Variants in UNKL observed in about 807,000 individuals in gnomAD.
UNKL encodes the protein putative E3 ubiquitin-protein ligase UNKL.
UNKL carries 60 observed loss-of-function variants against 78.0 expected under a neutral mutation model. The ratio of observed to expected loss-of-function variants is 0.77; its 90% CI spans 0.63 to 0.95. UNKL has a LOEUF of 0.95. Among genes scored for constraint, UNKL ranks in the 40% least tolerant of loss-of-function variants. The pLI is 0.00. For missense variants in UNKL, 1,159 were observed against 1,045.7 expected, an observed-to-expected ratio of 1.11 and a Z score of -1.49; for synonymous variants, 608 against 474.8, an observed-to-expected ratio of 1.28 and a Z score of -3.65.
In UNKL at chr16:1,380,577, C is replaced by T. The variant is rs563882021; in HGVS notation, c.1264+4631G>A. 1.0e-3 allele frequency among the ~76,000 whole-genome samples: 154 copies of T among 148,234 alleles called. 8 individuals are homozygous for T. In the South Asian group the frequency reaches 0.032, roughly 31 times the overall value. ...GTGGCAAAGCTCACAATTTCAGCCG[C>T]AGCAGCAGCAACAATACATTGCCTC... On this transcript the variant is annotated intron_variant, in intron 10 of 14. Coordinates refer to ENST00000389221, the MANE Select transcript of UNKL (RefSeq NM_001372107.1).
intron 10 of UNKL, among the ~76,000 whole-genome samples, chr16:1,375,329 G>A (rs917536038): frequency 1.3e-5 from 2 of 152,126 alleles, no homozygotes; most frequent in Non-Finnish European, 2.9e-5. Context: ...AGCCTGGCTC[G>A]GGAGTGGACG....
rs868347691 is a variant in UNKL at position 1,371,079 on chromosome 16, T to G, written c.1357+440A>C. On this transcript the variant is annotated intron_variant, in intron 11 of 14. Coordinates refer to ENST00000389221, the MANE Select transcript of UNKL (RefSeq NM_001372107.1). Reference sequence around the variant, plus strand: ...GCCTGGGCGACAGAGCGAGGCTCTGTCTCAAAAAAAAAAAAAAAAAAAAAG... The same window carrying G: ...GCCTGGGCGACAGAGCGAGGCTCTGGCTCAAAAAAAAAAAAAAAAAAAAAG... Among the ~76,000 whole-genome samples the G allele has an allele frequency of 9.5e-4, 120 of 126,720 alleles. 1 individual carries two copies. Among genetic ancestry groups the G allele is most frequent in the Middle Eastern group, 4.5e-3 (1 of 224 alleles). 83.1% of individuals were successfully genotyped at this position (126,720 alleles called of 152,430 possible).
At chr16:1,396,265 T>G (rs1255775331) in intron 6 of UNKL, among the ~76,000 whole-genome samples, 1 of 142,872 alleles carries the variant, frequency 7.0e-6, no homozygotes, top group South Asian at 2.2e-4. Context: ...GTTTTGTTTT[T>G]TTTCCTTGAG....
At position 1,403,099 on chromosome 16, in the gene UNKL, G is replaced by T. The variant is rs1385766740; in HGVS notation, c.464+69C>A. 2 of 1,514,222 alleles carry T rather than the reference G, an allele frequency of 1.3e-6. No homozygotes were observed. The highest frequency in any genetic ancestry group is 1.8e-6 in the Non-Finnish European group (2 of 1,130,084). The allele number at this position is 1,514,222 out of a possible 1,614,324, so 93.8% of individuals were successfully genotyped here. Reference sequence around the variant, plus strand: ...AGCAGGGAGGCGAGCCACTTGCCGAGTTCCTGCTCATCCAGCAGAGCCCAC... The same window carrying T: ...AGCAGGGAGGCGAGCCACTTGCCGATTTCCTGCTCATCCAGCAGAGCCCAC... On this transcript the variant is annotated intron_variant, in intron 3 of 14. Transcript: ENST00000389221. This position sits in a 1 kb window ranked among gnomAD's most constrained non-coding sequence, Gnocchi z 4.8.
In UNKL at chr16:1,390,277, T is replaced by C. The variant is rs529986432; in HGVS notation, c.1086+355A>G. ...CTGAGATTACAGGTGTGAGCCACCG[T>C]GCCCGGCAAGTTCTGCTGTTGGAAC... On this transcript the variant is annotated intron_variant, in intron 9 of 14. Transcript: ENST00000389221. 2.7e-4 allele frequency among the ~76,000 whole-genome samples: 41 copies of C among 152,304 alleles called. 1 individual carries two copies. In the East Asian group the frequency reaches 7.3e-3, roughly 27 times the overall value.
chr16:1,398,583 G>A lies in UNKL; in HGVS notation c.734+791C>T, dbSNP rs1018883953. 47 of 1,408,000 alleles carry A rather than the reference G, an allele frequency of 3.3e-5. No homozygotes were observed. The African/African-American group carries it at 4.1e-4, about 12-fold the overall frequency. The allele number at this position is 1,408,000 out of a possible 1,614,324, so 87.2% of individuals were successfully genotyped here. On this transcript the variant is annotated intron_variant, in intron 5 of 14. Transcript: ENST00000389221. The stretch of plus-strand genomic sequence containing the variant: ...CAGCACCAGGTCATTCAAAAGAGGC[G>A]AGGGTGGCTCTCTGCTCAAAGGAAG...
Position 1,403,397 on chromosome 16 carries a change from C to T in UNKL, c.288-53G>A. The T allele has an allele frequency of 6.4e-7, 1 of 1,552,342 alleles. No homozygotes were observed. The highest frequency in any genetic ancestry group is 8.7e-7 in the Non-Finnish European group (1 of 1,150,904). On this transcript the variant is annotated intron_variant, in intron 2 of 14. Coordinates refer to ENST00000389221, the MANE Select transcript of UNKL (RefSeq NM_001372107.1). This position sits in a 1 kb window ranked among gnomAD's most constrained non-coding sequence, Gnocchi z 4.8. ...TGGTTATCATGGACCCAGAGGCAGC[C>T]CTAAGCTCCCTGGGTCCACGCCCTG... is the stretch of plus-strand genomic sequence containing the variant.
chr16:1,389,383 C>T (rs2036952189), intron 9 of UNKL, among the ~76,000 whole-genome samples: 1 of 152,202 alleles, frequency 6.6e-6, no homozygotes, highest in African/African-American at 2.4e-5. Flanking sequence ...CCTAGGAGTT[C>T]GAGAACAGGC....
Position 1,366,164 on chromosome 16 carries a change from G to C in UNKL, c.*76C>G. On this transcript the variant is annotated 3_prime_UTR_variant, in exon 15 of 15. Coordinates refer to ENST00000389221, the MANE Select transcript of UNKL (RefSeq NM_001372107.1). ...TCCTCACGTCGGTGGCACCAGAAGC[G>C]AGTGACGACATGTCCGTGGTCAGGA... 1 of 1,398,788 alleles carries C rather than the reference G, an allele frequency of 7.1e-7. No individual in the cohort carries two copies. Among genetic ancestry groups the C allele is most frequent in the Non-Finnish European group, 9.4e-7 (1 of 1,066,066 alleles). 86.6% of individuals were successfully genotyped at this position (1,398,788 alleles called of 1,614,324 possible).
intron 2 of UNKL, among the ~76,000 whole-genome samples, chr16:1,405,641 GT>G (rs2037722869): frequency 6.6e-6 from 1 of 151,976 alleles, no homozygotes; most frequent in South Asian, 2.1e-4. Flanking sequence ...CACCTAGGAG[GT>G]GAGAGGGAAT....
intron 6 of UNKL, chr16:1,395,698 T>C (rs1480404651): frequency 4.4e-6 from 2 of 456,450 alleles, no homozygotes; most frequent in African/African-American, 2.0e-5. Context: ...ATGGTGCGGC[T>C]GTGGCCCACG....
At chr16:1,394,012 G>A (rs1192651163) in intron 7 of UNKL, 119 bp downstream of exon 7, 1 of 1,030,578 alleles carries the variant, frequency 9.7e-7, no homozygotes, top group East Asian at 2.6e-5. Context: ...CCACGGTGCT[G>A]AGCTCCTGCC....
At chr16:1,380,921 C>T (rs1289092016) in intron 10 of UNKL, among the ~76,000 whole-genome samples, 1 of 152,088 alleles carries the variant, frequency 6.6e-6, no homozygotes, top group African/African-American at 2.4e-5. Context: ...GTGATCCACC[C>T]GCCCTGGCCT....
At position 1,399,165 on chromosome 16, in the gene UNKL, T is replaced by G; in HGVS notation, c.734+209A>C. ...GGGACTGCATGGGAGACACTGAGCG[T>G]AGGTGGGGAGGCCCATCCCCAGGAC... On this transcript the variant is annotated intron_variant, in intron 5 of 14. Transcript: ENST00000389221. The surrounding 1 kb of genome is among the most constrained non-coding windows in gnomAD (Gnocchi z 5.8). 9.0e-7 allele frequency: 1 copy of G among 1,106,846 alleles called. No individual in the cohort carries two copies. Among genetic ancestry groups the G allele is most frequent in the South Asian group, 1.7e-5 (1 of 59,692 alleles). The allele number at this position is 1,106,846 out of a possible 1,614,324, so 68.6% of individuals were successfully genotyped here.
chr16:1,391,260 ACACACAC>A lies in UNKL; in HGVS notation c.1024-573_1024-567del, dbSNP rs1567223756. 9.1e-3 allele frequency among the ~76,000 whole-genome samples: 1,360 copies of A among 150,070 alleles called. 24 individuals carry two copies. Among genetic ancestry groups the A allele is most frequent in the African/African-American group, 0.031 (1,259 of 40,898 alleles). On this transcript the variant is annotated intron_variant, in intron 8 of 14. Coordinates refer to ENST00000389221, the MANE Select transcript of UNKL (RefSeq NM_001372107.1). ...AAGATACACACACACACACACACAC[ACACACAC>A]ACACACACACACACACATAAGCTCT...
At chr16:1,405,211 A>G (rs1394380543) in intron 2 of UNKL, among the ~76,000 whole-genome samples, 1 of 34,548 alleles carries the variant, frequency 2.9e-5, no homozygotes, top group Non-Finnish European at 5.5e-5. Flanking sequence ...AAAAAAAAAA[A>G]AAAAAAAAAA....
intron 9 of UNKL, among the ~76,000 whole-genome samples, chr16:1,390,141 CA>C (rs1174519954): frequency 6.6e-6 from 1 of 152,186 alleles, no homozygotes; most frequent in Non-Finnish European, 1.5e-5. Flanking sequence ...CACGTGCCAC[CA>C]TGCCTGGCTA....
At chr16:1,366,495 C>T (rs564633636) in intron 14 of UNKL, 100 bp from the exon 15 acceptor site, 49 of 1,383,220 alleles carry the variant, frequency 3.5e-5, no homozygotes, top group South Asian at 1.2e-4. Context: ...CATCTCAGGC[C>T]GCCCGGCCAC....
rs542540137 is a variant in UNKL, at chr16:1,372,028, G to A, written c.1265-417C>T. Among the ~76,000 whole-genome samples, 63 of 152,216 alleles carry A rather than the reference G, an allele frequency of 4.1e-4. No individual in the cohort carries two copies. The South Asian group carries it at 0.013, about 31-fold the overall frequency. On this transcript the variant is annotated intron_variant, in intron 10 of 14. Coordinates refer to ENST00000389221, the MANE Select transcript of UNKL (RefSeq NM_001372107.1). The stretch of plus-strand genomic sequence containing the variant: ...TCCCAGCACTTTGGGAGGCCGAGGT[G>A]GGCAGATCACAAGGTCAGGAGATCG...
Sources: gnomAD v4.1 joint callset for allele counts (sites outside exome capture counted in the v4.1 genomes callset) on GRCh38, gnomAD v4.1.1 for gene constraint, Gnocchi (gnomAD v3.1) non-coding constraint, MANE v1.5 for transcripts, NCBI Gene and HGNC (gene_info 2026-07-23, HGNC 2026-07-21) for gene names.